Variants in STN1 observed in about 807,000 individuals in gnomAD.
STN1 encodes STN1 subunit of CST complex, also known as CST complex subunit STN1.
A neutral mutation model predicts 45.5 loss-of-function variants in STN1; 29 were observed. That is an observed-to-expected ratio of 0.64 (90% CI 0.47 to 0.87). The LOEUF is 0.87. Among genes scored for constraint, STN1 ranks in the 40% least tolerant of loss-of-function variants. The pLI is 0.00. For missense variants in STN1, 376 were observed against 441.4 expected, an observed-to-expected ratio of 0.85 and a Z score of 1.33; for synonymous variants, 148 against 159.0, an observed-to-expected ratio of 0.93 and a Z score of 0.52.
intron 7 of STN1, among the ~76,000 whole-genome samples, chr10:103,897,027 G>A (rs549653794): frequency 5.9e-5 from 9 of 152,194 alleles, no homozygotes; most frequent in East Asian, 1.9e-4. Flanking sequence ...AAAATGATTC[G>A]CGAACTTGAA....
chr10:103,884,145 T>C (rs1458331849), intron 9 of STN1, among the ~76,000 whole-genome samples: 1 of 142,904 alleles, frequency 7.0e-6, no homozygotes, highest in Non-Finnish European at 1.5e-5. Flanking sequence ...CTAATCAGAG[T>C]GTATATTCAG....
chr10:103,907,219 G>A (rs1843247508), intron 3 of STN1, among the ~76,000 whole-genome samples: 1 of 152,178 alleles, frequency 6.6e-6, no homozygotes. Context: ...TCTATGTAAG[G>A]CTGTTCACTG....
chr10:103,905,060 AAAAGT>A (rs1256279846), intron 4 of STN1, 26 bp downstream of exon 4: 3 of 1,591,174 alleles, frequency 1.9e-6, no homozygotes, highest in Non-Finnish European at 1.7e-6. Flanking sequence ...TAGTTAGGTG[AAAAGT>A]AAAGGAATGT....
Position 103,898,744 on chromosome 10 carries a change from G to A in STN1, c.581+133C>T. 4 of 938,322 alleles carry A rather than the reference G, an allele frequency of 4.3e-6. No individual in the cohort carries two copies. The South Asian group carries it at 6.4e-5, about 15-fold the overall frequency. The allele number at this position is 938,322 out of a possible 1,614,324, so 58.1% of individuals were successfully genotyped here. On this transcript the variant is annotated intron_variant, in intron 6 of 9. Transcript: ENST00000224950. ...AATTGAAGCATAGAGAGGGTTAGAGGGCTTGCCCAGAGCCCCACAGTGCAT... is the reference window on the plus strand; with the variant it reads ...AATTGAAGCATAGAGAGGGTTAGAGAGCTTGCCCAGAGCCCCACAGTGCAT...
At chr10:103,883,629 G>A (rs549958963) in intron 9 of STN1, among the ~76,000 whole-genome samples, 3 of 152,130 alleles carry the variant, frequency 2.0e-5, no homozygotes, top group Non-Finnish European at 4.4e-5. Flanking sequence ...ATTGGCACAA[G>A]TAGTTATAAA....
Position 103,898,652 on chromosome 10 carries a change from C to T in STN1, c.581+225G>A, listed in dbSNP as rs148758402. ...TCCTCCTTCAGTGACTCCAATTACA[C>T]CCATAATTTCCTCACGACAACCCTA... On this transcript the variant is annotated intron_variant, in intron 6 of 9. Transcript: ENST00000224950. 3.9e-4 allele frequency among the ~76,000 whole-genome samples: 59 copies of T among 152,320 alleles called. No individual in the cohort carries two copies. In the East Asian group the frequency reaches 0.011, roughly 28 times the overall value.
intron 2 of STN1, 65 bp downstream of exon 2, chr10:103,917,397 T>G: frequency 6.5e-7 from 1 of 1,534,398 alleles, no homozygotes; most frequent in Non-Finnish European, 8.8e-7. Flanking sequence ...AATCCCAGCT[T>G]TCTGAGACTT....
chr10:103,909,528 GTACA>G (rs1564635205), intron 3 of STN1, among the ~76,000 whole-genome samples: 1 of 57,828 alleles, frequency 1.7e-5, no homozygotes, highest in African/African-American at 4.3e-5. Flanking sequence ...GTATATATAT[GTACA>G]TATATATGTA....
chr10:103,907,823 A>G (rs1195364681), intron 3 of STN1, among the ~76,000 whole-genome samples: 7 of 151,964 alleles, frequency 4.6e-5, no homozygotes, highest in African/African-American at 1.7e-4. Context: ...GTATAATAGA[A>G]AGTTAAAAAA....
At chr10:103,896,573 A>C (rs536129226) in intron 7 of STN1, among the ~76,000 whole-genome samples, 1 of 152,312 alleles carries the variant, frequency 6.6e-6, no homozygotes, top group South Asian at 2.1e-4. Context: ...CCAAGCAACA[A>C]AACAAGTTAC....
In STN1 at chr10:103,905,736, C is replaced by A. The variant is rs555634040; in HGVS notation, c.230-580G>T. Among the ~76,000 whole-genome samples the A allele has an allele frequency of 2.0e-5, 3 of 152,234 alleles. No homozygotes were observed. In the South Asian group the frequency reaches 6.2e-4, roughly 32 times the overall value. On this transcript the variant is annotated intron_variant, in intron 3 of 9. Transcript: ENST00000224950. ...CCACCGCAGGGGCTGTAAGGAAAGC[C>A]AAGCACATCACAGAAGGGCACCGTT...
Position 103,910,531 on chromosome 10 carries a change from A to G in STN1, c.225T>C (p.Tyr75=), listed in dbSNP as rs764507143. 62 of 1,593,830 alleles carry G rather than the reference A, an allele frequency of 3.9e-5. 1 individual carries two copies. The highest frequency in any genetic ancestry group is 2.2e-4 in the Admixed American group (13 of 59,914). ...GVRERDAFYS[Y]GVDDSTGVIN... is the part of the protein sequence containing the mutation. Reference sequence around the variant, plus strand: ...TTCAGACACAATTGTTCTTACCTCCATAACTGTAGAAAGCATCTCTTTCTC... The same window carrying G: ...TTCAGACACAATTGTTCTTACCTCCGTAACTGTAGAAAGCATCTCTTTCTC... The change falls in exon 3 of 10, where the codon TAT becomes TAC. Residue 75 remains tyrosine (Y), a synonymous_variant. Coordinates refer to ENST00000224950, the MANE Select transcript of STN1 (RefSeq NM_024928.5).
At chr10:103,909,424 G>A (rs866145526) in intron 3 of STN1, among the ~76,000 whole-genome samples, 44 of 48,288 alleles carry the variant, frequency 9.1e-4, no homozygotes, top group Admixed American at 2.4e-3. Flanking sequence ...ATGTATATAT[G>A]TATATATATG....
rs182355903 is a variant in STN1, at chr10:103,882,585, C to T, written c.*99G>A. 3.6e-5 allele frequency: 45 copies of T among 1,258,296 alleles called. No homozygotes were observed. The Middle Eastern group carries it at 3.5e-3, about 99-fold the overall frequency. The allele number at this position is 1,258,296 out of a possible 1,614,324, so 77.9% of individuals were successfully genotyped here. The stretch of plus-strand genomic sequence containing the variant: ...TTTATAGTTTATTATGAGGTAACTG[C>T]CTCCAGACAGATAAGCCCCTGCATG... On this transcript the variant is annotated 3_prime_UTR_variant, in exon 10 of 10. Transcript: ENST00000224950.
chr10:103,911,413 C>T (rs868149806), intron 2 of STN1, among the ~76,000 whole-genome samples: 4 of 152,238 alleles, frequency 2.6e-5, no homozygotes, highest in East Asian at 3.8e-4. Context: ...TTAAGCTACA[C>T]GCACTGTGTT....
At chr10:103,884,405 T>G (rs945839342) in intron 9 of STN1, among the ~76,000 whole-genome samples, 3 of 152,214 alleles carry the variant, frequency 2.0e-5, no homozygotes, top group Admixed American at 1.3e-4. Context: ...GGATACATAT[T>G]AATTCATGAA....
At chr10:103,887,159 C>T (rs1843108763) in intron 9 of STN1, among the ~76,000 whole-genome samples, 1 of 152,146 alleles carries the variant, frequency 6.6e-6, no homozygotes, top group Non-Finnish European at 1.5e-5. Flanking sequence ...CGGATATTTA[C>T]CTATACATGT....
At chr10:103,910,664 C>T (rs1362955007) in intron 2 of STN1, 42 bp from the exon 3 acceptor site, 2 of 1,099,824 alleles carry the variant, frequency 1.8e-6, no homozygotes, top group South Asian at 2.5e-5. Context: ...TGTATGATTA[C>T]ATTTTCTGCT....
intron 4 of STN1, among the ~76,000 whole-genome samples, chr10:103,900,597 C>T (rs1843202379): frequency 6.6e-6 from 1 of 152,090 alleles, no homozygotes; most frequent in African/African-American, 2.4e-5. Context: ...TTTAAACAAC[C>T]TTTCAAATGT....
Sources: gnomAD v4.1 joint callset for allele counts (sites outside exome capture counted in the v4.1 genomes callset) on GRCh38, gnomAD v4.1.1 for gene constraint, MANE v1.5 for transcripts, NCBI Gene and HGNC (gene_info 2026-07-23, HGNC 2026-07-21) for gene names.